The following LEPR variants were observed in gnomAD, a reference collection of about 807,000 sequenced individuals.
LEPR encodes OB receptor.
In LEPR, 56 loss-of-function variants were observed where a neutral mutation model predicts 114.7. That is an observed-to-expected ratio of 0.49 (90% CI 0.39 to 0.61). LEPR has a LOEUF of 0.61. LEPR is among the 20% of genes least tolerant of loss of function. The pLI is 0.00. For synonymous variants in LEPR, 443 were observed against 461.4 expected, an observed-to-expected ratio of 0.96 and a Z score of 0.51; for missense variants, 1,202 against 1,352.9, an observed-to-expected ratio of 0.89 and a Z score of 1.75.
intron 2 of LEPR, among the ~76,000 whole-genome samples, chr1:65,455,651 A>G (rs989845380): frequency 1.3e-5 from 2 of 152,178 alleles, no homozygotes; most frequent in African/African-American, 4.8e-5. Flanking sequence ...TCAGATCTCC[A>G]GCTGCGTGCT....
intron 2 of LEPR, among the ~76,000 whole-genome samples, chr1:65,524,459 G>C (rs1029474666): frequency 6.6e-6 from 1 of 152,198 alleles, no homozygotes; most frequent in African/African-American, 2.4e-5. Flanking sequence ...ATTCAAAAAA[G>C]TGACACTCGT....
chr1:65,471,621 C>A (rs937084679), intron 2 of LEPR, among the ~76,000 whole-genome samples: 2 of 152,130 alleles, frequency 1.3e-5, no homozygotes, highest in Admixed American at 6.6e-5. Flanking sequence ...TTGACCAAAT[C>A]TTTGATGGAC....
intron 5 of LEPR, among the ~76,000 whole-genome samples, chr1:65,585,903 C>T (rs74084058): frequency 0.017 from 2,620 of 151,972 alleles, 83 homozygotes; most frequent in African/African-American, 0.059. Context: ...TTGGTGGATT[C>T]CAGGTTTCAC....
intron 9 of LEPR, 32 bp downstream of exon 9, chr1:65,601,714 C>T (rs1656450162): frequency 1.2e-6 from 2 of 1,612,574 alleles, no homozygotes; most frequent in Non-Finnish European, 1.7e-6. Context: ...TCATTTTGTT[C>T]CACAACTTGA....
intron 2 of LEPR, among the ~76,000 whole-genome samples, chr1:65,546,305 C>T (rs544877533): frequency 1.3e-5 from 2 of 152,156 alleles, no homozygotes; most frequent in Admixed American, 1.3e-4. Context: ...TTTTTTGGTT[C>T]CATGTGAACT....
chr1:65,503,814 C>G (rs1312963725), intron 2 of LEPR, among the ~76,000 whole-genome samples: 1 of 151,856 alleles, frequency 6.6e-6, no homozygotes, highest in East Asian at 1.9e-4. Flanking sequence ...CACACACACA[C>G]ACACACACAC....
chr1:65,619,904 C>G (rs373783802), intron 16 of LEPR, 24 bp from the exon 17 acceptor site: 2 of 1,558,168 alleles, frequency 1.3e-6, no homozygotes, highest in African/African-American at 1.4e-5. Context: ...TATAAATGAG[C>G]CTTTTACGTA....
At chr1:65,440,863 AAG>A (rs1198882095) in intron 2 of LEPR, among the ~76,000 whole-genome samples, 4 of 152,342 alleles carry the variant, frequency 2.6e-5, no homozygotes, top group African/African-American at 9.6e-5. Context: ...CTATTTTATA[AAG>A]AGAGGAAAAA....
chr1:65,518,873 T>TTTCTTTC (rs1649435644), intron 2 of LEPR, among the ~76,000 whole-genome samples: 1 of 117,216 alleles, frequency 8.5e-6, no homozygotes, highest in African/African-American at 3.4e-5. Context: ...CTTTCTTTCT[T>TTTCTTTC]TTTCTTTCTT....
chr1:65,633,529 T>C lies in LEPR; in HGVS notation c.2674-2662T>C, dbSNP rs1483529834. 2.9e-6 allele frequency: 3 copies of C among 1,046,466 alleles called. No individual in the cohort carries two copies. The highest frequency in any genetic ancestry group is 7.2e-5 in the East Asian group (1 of 13,798). 64.8% of individuals were successfully genotyped at this position (1,046,466 alleles called of 1,614,324 possible). ...CATATCTATTAAATGTCATCAAATATGTAGTAGACAATGCTGTAATTAGGT... is the reference window on the plus strand; with the variant it reads ...CATATCTATTAAATGTCATCAAATACGTAGTAGACAATGCTGTAATTAGGT... On this transcript the variant is annotated intron_variant, in intron 19 of 19. Coordinates refer to ENST00000349533, the MANE Select transcript of LEPR (RefSeq NM_002303.6). This position sits in a 1 kb window ranked among gnomAD's most constrained non-coding sequence, Gnocchi z 4.1.
chr1:65,426,235 A>AAAATCAGCAAG (rs1557581615), intron 2 of LEPR, among the ~76,000 whole-genome samples: 2 of 152,160 alleles, frequency 1.3e-5, no homozygotes, highest in African/African-American at 2.4e-5. Flanking sequence ...AGGCCCGGAG[A>AAAATCAGCAAG]CATGAAAGTG....
chr1:65,525,544 C>T (rs746611604), intron 2 of LEPR: 189 of 836,128 alleles, frequency 2.3e-4, no homozygotes, highest in Non-Finnish European at 2.4e-4. Flanking sequence ...GCTCCTCCCG[C>T]TCAGGGGCGG....
At chr1:65,421,428 A>G in intron 1 of LEPR, 1 of 1,536,100 alleles carries the variant, frequency 6.5e-7, no homozygotes. Context: ...TGCGAGACGG[A>G]AAAGGTTTTT....
intron 2 of LEPR, among the ~76,000 whole-genome samples, chr1:65,470,447 G>C (rs1384890760): frequency 6.6e-6 from 1 of 152,190 alleles, no homozygotes; most frequent in African/African-American, 2.4e-5. Context: ...GTTCTGCCTG[G>C]TGAGTAGCTC....
At chr1:65,488,367 C>T (rs1647689273) in intron 2 of LEPR, among the ~76,000 whole-genome samples, 2 of 145,684 alleles carry the variant, frequency 1.4e-5, no homozygotes, top group African/African-American at 5.3e-5. Context: ...CATTCCATCA[C>T]CCTGGCTGGA....
chr1:65,488,390 G>T (rs956013253), intron 2 of LEPR, among the ~76,000 whole-genome samples: 2 of 146,320 alleles, frequency 1.4e-5, no homozygotes, highest in East Asian at 2.0e-4. Context: ...ACAGTGGCAT[G>T]ATTATGGCTC....
intron 2 of LEPR, among the ~76,000 whole-genome samples, chr1:65,555,949 T>A (rs1570684948): frequency 1.3e-5 from 2 of 152,288 alleles, no homozygotes; most frequent in Admixed American, 1.3e-4. Context: ...TCCTTTTAAC[T>A]GTCAACAGAG....
intron 5 of LEPR, among the ~76,000 whole-genome samples, chr1:65,589,016 A>G (rs1016479647): frequency 6.6e-6 from 1 of 152,102 alleles, no homozygotes; most frequent in Non-Finnish European, 1.5e-5. Context: ...AAATTGTATC[A>G]TTTTACATTC....
intron 5 of LEPR, 98 bp downstream of exon 5, chr1:65,572,547 A>G: frequency 8.4e-7 from 1 of 1,194,498 alleles, no homozygotes; most frequent in Non-Finnish European, 1.2e-6. Flanking sequence ...GCATCCCTAC[A>G]TTTCCTATTA....
Sources: allele counts gnomAD v4.1 joint callset (sites outside exome capture counted in the v4.1 genomes callset), GRCh38; gene constraint gnomAD v4.1.1; non-coding constraint Gnocchi (gnomAD v3.1); transcripts MANE v1.5; gene names NCBI Gene and HGNC (gene_info 2026-07-23, HGNC 2026-07-21).